Variants in MED15 observed in about 807,000 individuals in gnomAD.
MED15 encodes the protein mediator complex subunit 15, also known as mediator of RNA polymerase II transcription subunit 15.
A neutral mutation model predicts 118.7 loss-of-function variants in MED15; 41 were observed. That is an observed-to-expected ratio of 0.35 (90% CI 0.27 to 0.45). The LOEUF (loss-of-function observed/expected upper bound fraction) is 0.45, where lower values mean the gene tolerates loss of function less well. Ranked by LOEUF, MED15 falls within the 20% of genes least tolerant of loss-of-function variation. MED15 has a pLI of 1.00. For missense variants in MED15, 740 were observed against 1,025.5 expected (o/e 0.72, Z 3.80); for synonymous variants, 436 against 413.9 (o/e 1.05, Z -0.65).
chr22:20,584,940 G>T lies in MED15; in HGVS notation c.1889G>T (p.Arg630Leu). ...PLLDAVLANI[R>L]SPVFNHSLYR... Reference sequence around the variant, plus strand: ...CTGGATGCCGTCCTGGCCAACATCCGCTCACCTGTCTTCAACCATTCCCTG... The same window carrying T: ...CTGGATGCCGTCCTGGCCAACATCCTCTCACCTGTCTTCAACCATTCCCTG... Residue 630 changes from arginine to leucine, a missense_variant, in exon 15 of 18, where the codon CGC becomes CTC. By Grantham distance (102) the Arg-to-Leu change is moderately radical (BLOSUM62 -2). Transcript: ENST00000263205. 1.9e-6 allele frequency: 3 copies of T among 1,613,940 alleles called. No homozygotes were observed. The highest frequency in any genetic ancestry group is 2.5e-6 in the Non-Finnish European group (3 of 1,180,002).
rs2146326521 is a variant in MED15 at position 20,510,148 on chromosome 22, A to G, written c.68+2402A>G. 1.3e-5 allele frequency among the ~76,000 whole-genome samples: 2 copies of G among 152,186 alleles called. 1 individual carries two copies. The highest frequency in any genetic ancestry group is 6.8e-3 in the Middle Eastern group (2 of 294). The stretch of plus-strand genomic sequence containing the variant: ...ACGCCTGTAATCCCAGCACTTTGGG[A>G]GACTGAGGCAGGCGGATCACGAGGT... On this transcript the variant is annotated intron_variant, in intron 1 of 17. Coordinates refer to ENST00000263205, the MANE Select transcript of MED15 (RefSeq NM_001003891.3).
chr22:20,525,666 A>G (rs907089801), intron 1 of MED15, among the ~76,000 whole-genome samples: 11 of 149,922 alleles, frequency 7.3e-5, no homozygotes, highest in Non-Finnish European at 1.5e-4. Flanking sequence ...CCTCCTGAGT[A>G]GCAGAGATTA....
In MED15 at chr22:20,555,252, A is replaced by G. The variant is rs372504296; in HGVS notation, c.451+104A>G. Reference sequence around the variant, plus strand: ...ATCAAGAAAAGCATGGAGAAGCTCCAAATCGCTCTGGTTTTTTTGTTTTTT... The same window carrying G: ...ATCAAGAAAAGCATGGAGAAGCTCCGAATCGCTCTGGTTTTTTTGTTTTTT... On this transcript the variant is annotated intron_variant, in intron 5 of 17. Transcript: ENST00000263205. 33 of 1,221,470 alleles carry G rather than the reference A, an allele frequency of 2.7e-5. 1 individual carries two copies. In the East Asian group the frequency reaches 3.4e-4, roughly 12 times the overall value. The allele number at this position is 1,221,470 out of a possible 1,614,324, so 75.7% of individuals were successfully genotyped here. A position where few individuals can be genotyped will look rare whatever the true frequency, so the allele number is the denominator to read the frequency against.
At chr22:20,535,238 C>A (rs1456947383) in intron 1 of MED15, among the ~76,000 whole-genome samples, 2 of 152,008 alleles carry the variant, frequency 1.3e-5, no homozygotes, top group African/African-American at 2.4e-5. Flanking sequence ...GATTACAGAC[C>A]TGAGCCATCG....
rs758021086 is a variant in MED15 at position 20,507,666 on chromosome 22, C to CT, written c.-12dup. On this transcript the variant is annotated 5_prime_UTR_variant, in exon 1 of 18. Transcript: ENST00000263205. Reference sequence around the variant, plus strand: ...CCAAGCGGGATACGGGCGGCGGGAGCTGGGGAACAGGCATGGACGTTTCCG... The same window carrying CT: ...CCAAGCGGGATACGGGCGGCGGGAGCTTGGGGAACAGGCATGGACGTTTCCG... The CT allele has an allele frequency of 3.0e-5, 48 of 1,613,848 alleles. No homozygotes were observed. In the African/African-American group the frequency reaches 5.6e-4, roughly 19 times the overall value.
At chr22:20,553,091 GTGGTTATATAAAACTATGTTTACTT>G (rs1416968694) in intron 3 of MED15, 29 bp from the exon 4 acceptor site, 1 of 1,538,154 alleles carries the variant, frequency 6.5e-7, no homozygotes, top group African/African-American at 1.4e-5. Context: ...ATGGAAATAT[GTGGTTATATAAAACTATGTTTACTT>G]TCGTTTTTTT....
intron 1 of MED15, among the ~76,000 whole-genome samples, chr22:20,531,438 G>A (rs1461067189): frequency 6.6e-6 from 1 of 152,206 alleles, no homozygotes; most frequent in African/African-American, 2.4e-5. Flanking sequence ...TTTAGGGGAG[G>A]GAGTGCCTCT....
intron 1 of MED15, among the ~76,000 whole-genome samples, chr22:20,531,152 T>G (rs578222922): frequency 9.2e-4 from 139 of 151,510 alleles, no homozygotes; most frequent in Non-Finnish European, 1.8e-3. Context: ...TTAGCAGGCT[T>G]TAAGTTTGAT....
At chr22:20,585,431 C>T in intron 16 of MED15, 164 bp downstream of exon 16, 1 of 948,508 alleles carries the variant, frequency 1.1e-6, no homozygotes. Context: ...TCCAGACAGC[C>T]TGGCCATGCC....
At chr22:20,560,422 G>T (rs1023060955) in intron 5 of MED15, among the ~76,000 whole-genome samples, 6 of 152,074 alleles carry the variant, frequency 3.9e-5, no homozygotes, top group African/African-American at 1.2e-4. Context: ...GCGCCACTAC[G>T]CCCAGCTAAT....
At chr22:20,541,891 A>C (rs2146468700) in intron 2 of MED15, among the ~76,000 whole-genome samples, 1 of 152,110 alleles carries the variant, frequency 6.6e-6, no homozygotes, top group African/African-American at 2.4e-5. Context: ...TTTGTGATCC[A>C]CCCACCTAGG....
intron 8 of MED15, among the ~76,000 whole-genome samples, chr22:20,569,597 G>A (rs2056569965): frequency 6.6e-6 from 1 of 152,110 alleles, no homozygotes; most frequent in African/African-American, 2.4e-5. Context: ...TGTCCTTCAT[G>A]GTGCCTGCTA....
intron 9 of MED15, 161 bp from the exon 10 acceptor site, chr22:20,582,450 G>A (rs1601644312): frequency 8.6e-7 from 1 of 1,161,216 alleles, no homozygotes; most frequent in East Asian, 2.6e-5. Flanking sequence ...GCCAGGCTGG[G>A]GGAGTGTGCC....
At chr22:20,520,154 C>A (rs561393884) in intron 1 of MED15, among the ~76,000 whole-genome samples, 1 of 152,318 alleles carries the variant, frequency 6.6e-6, no homozygotes, top group African/African-American at 2.4e-5. Flanking sequence ...TCTGTTCTTC[C>A]CAGCCTACGT....
intron 5 of MED15, among the ~76,000 whole-genome samples, chr22:20,558,555 A>G (rs4560234): frequency 0.015 from 2,290 of 152,166 alleles, 61 homozygotes; most frequent in African/African-American, 0.052. Flanking sequence ...AATAATTTCT[A>G]CTGCCAGTTG....
chr22:20,554,679 A>G (rs975567300), intron 4 of MED15: 7 of 371,264 alleles, frequency 1.9e-5, no homozygotes, highest in East Asian at 1.3e-4. Flanking sequence ...GGCATCAGAG[A>G]GGTCATTTGT....
intron 1 of MED15, among the ~76,000 whole-genome samples, chr22:20,534,549 G>A (rs889079007): frequency 6.6e-6 from 1 of 152,108 alleles, no homozygotes; most frequent in Non-Finnish European, 1.5e-5. Context: ...AAGAAAAAAG[G>A]AAGGTGGGAA....
At chr22:20,525,735 C>A (rs1030630914) in intron 1 of MED15, among the ~76,000 whole-genome samples, 40 of 151,076 alleles carry the variant, frequency 2.6e-4, no homozygotes, top group African/African-American at 9.7e-4. Flanking sequence ...GGGGTTTCTC[C>A]ATGTTGGTCA....
chr22:20,534,451 G>A (rs5995739), intron 1 of MED15, among the ~76,000 whole-genome samples: 1 of 152,144 alleles, frequency 6.6e-6, no homozygotes, highest in Non-Finnish European at 1.5e-5. Flanking sequence ...TTGAGCCCAG[G>A]AGTTTGAAGC....
Sources: allele counts gnomAD v4.1 joint callset (sites outside exome capture counted in the v4.1 genomes callset), GRCh38; gene constraint gnomAD v4.1.1; transcripts MANE v1.5; gene names NCBI Gene and HGNC (gene_info 2026-07-23, HGNC 2026-07-21).